The following CCDC178 variants were observed in gnomAD, a reference collection of about 807,000 sequenced individuals.
CCDC178 encodes coiled-coil domain-containing protein 178.
A neutral mutation model predicts 117.4 loss-of-function variants in CCDC178; 126 were observed. The ratio of observed to expected loss-of-function variants is 1.07; its 90% CI spans 0.93 to 1.24. CCDC178 has a LOEUF of 1.24. CCDC178 is among the 50% of genes most tolerant of loss of function. The pLI is 0.00. For missense variants in CCDC178, 1,030 were observed against 986.9 expected (o/e 1.04, Z -0.59); for synonymous variants, 283 against 313.4 (o/e 0.90, Z 1.02).
intron 14 of CCDC178, among the ~76,000 whole-genome samples, chr18:33,264,469 C>T (rs891680921): frequency 5.3e-5 from 8 of 151,998 alleles, no homozygotes; most frequent in Non-Finnish European, 1.0e-4. Flanking sequence ...ATTCTCTGTT[C>T]AGCACCATGT....
At chr18:32,978,812 G>A (rs1222005444) in intron 21 of CCDC178, among the ~76,000 whole-genome samples, 1 of 152,124 alleles carries the variant, frequency 6.6e-6, no homozygotes, top group African/African-American at 2.4e-5. Flanking sequence ...CCAGGCGGGT[G>A]GATCACCTGA....
At position 33,113,835 on chromosome 18, in the gene CCDC178, A is replaced by C. The variant is rs2057816174; in HGVS notation, c.2239-20925T>G. ...GGTTTATATATATAACCTAAAATCC[A>C]GGGGCTTGTTAAAAGAATGCTTCAC... On this transcript the variant is annotated intron_variant, in intron 20 of 22. Coordinates refer to ENST00000383096, the MANE Select transcript of CCDC178 (RefSeq NM_001105528.4). Among the ~76,000 whole-genome samples the C allele has an allele frequency of 2.0e-5, 3 of 152,058 alleles. No homozygotes were observed. The South Asian group carries it at 6.2e-4, about 31-fold the overall frequency.
intron 6 of CCDC178, among the ~76,000 whole-genome samples, chr18:33,365,363 G>C (rs182589624): frequency 1.2e-3 from 178 of 152,138 alleles, no homozygotes; most frequent in Non-Finnish European, 2.1e-3. Context: ...CATTGTCAAG[G>C]ACACGATGTC....
chr18:33,247,122 G>C (rs980815656), intron 14 of CCDC178, among the ~76,000 whole-genome samples: 4 of 151,194 alleles, frequency 2.6e-5, no homozygotes, highest in African/African-American at 7.3e-5. Context: ...GAGTCAGAGA[G>C]ACAGAGACAG....
intron 21 of CCDC178, among the ~76,000 whole-genome samples, chr18:33,073,784 T>C (rs894938958): frequency 6.6e-6 from 1 of 152,032 alleles, no homozygotes; most frequent in Non-Finnish European, 1.5e-5. Context: ...AAATAAACCA[T>C]GAACAAATAA....
intron 20 of CCDC178, among the ~76,000 whole-genome samples, chr18:33,187,523 T>G (rs2058811441): frequency 6.6e-6 from 1 of 152,072 alleles, no homozygotes; most frequent in Non-Finnish European, 1.5e-5. Context: ...CAGACTCAAG[T>G]TCAGGGAGGA....
chr18:33,233,081 A>G (rs993473367), intron 15 of CCDC178, among the ~76,000 whole-genome samples: 17 of 152,162 alleles, frequency 1.1e-4, no homozygotes, highest in Non-Finnish European at 2.5e-4. Context: ...ATACAAAATA[A>G]ACAATTATTG....
intron 22 of CCDC178, among the ~76,000 whole-genome samples, chr18:32,967,285 T>G (rs1441800016): frequency 6.6e-6 from 1 of 151,588 alleles, no homozygotes; most frequent in Non-Finnish European, 1.5e-5. Flanking sequence ...TGCCAATATT[T>G]CCCATTGTGA....
intron 20 of CCDC178, among the ~76,000 whole-genome samples, chr18:33,112,025 G>A (rs549021352): frequency 1.3e-5 from 2 of 151,764 alleles, no homozygotes; most frequent in East Asian, 3.9e-4. Context: ...AAATGAGAAA[G>A]TTTCAAATCA....
chr18:33,078,793 T>C (rs2057251755), intron 21 of CCDC178, among the ~76,000 whole-genome samples: 2 of 151,988 alleles, frequency 1.3e-5, no homozygotes, highest in African/African-American at 4.8e-5. Context: ...CAAAAGCAAA[T>C]TGGAAAACAT....
intron 20 of CCDC178, among the ~76,000 whole-genome samples, chr18:33,125,358 T>C (rs1336447671): frequency 6.6e-6 from 1 of 152,160 alleles, no homozygotes; most frequent in Non-Finnish European, 1.5e-5. Context: ...ATTTATTTGA[T>C]AAATATTAGA....
intron 21 of CCDC178, among the ~76,000 whole-genome samples, chr18:33,084,381 T>C (rs555145516): frequency 1.3e-4 from 20 of 152,180 alleles, no homozygotes; most frequent in Non-Finnish European, 2.4e-4. Flanking sequence ...ATCTGTAAAA[T>C]TTTACAGGTT....
intron 2 of CCDC178, among the ~76,000 whole-genome samples, chr18:33,422,778 G>A (rs1028978599): frequency 1.3e-5 from 2 of 152,124 alleles, no homozygotes; most frequent in African/African-American, 4.8e-5. Flanking sequence ...AAAAACACAC[G>A]AATGAATGAA....
chr18:33,240,772 C>T (rs1038967649), intron 15 of CCDC178, among the ~76,000 whole-genome samples: 1 of 151,776 alleles, frequency 6.6e-6, no homozygotes, highest in Admixed American at 6.6e-5. Context: ...TTCTACTAAC[C>T]TTTAAGGCAG....
At chr18:33,261,942 GT>G in intron 14 of CCDC178, among the ~76,000 whole-genome samples, 1 of 151,946 alleles carries the variant, frequency 6.6e-6, no homozygotes, top group South Asian at 2.1e-4. Context: ...TGTCTTCTTA[GT>G]TGCATTTTGG....
chr18:33,344,106 C>T (rs1478894647), intron 9 of CCDC178, among the ~76,000 whole-genome samples: 1 of 150,828 alleles, frequency 6.6e-6, no homozygotes. Flanking sequence ...AGATCGAGAC[C>T]ATCCTGGCTA....
chr18:33,209,261 A>G, intron 20 of CCDC178, among the ~76,000 whole-genome samples: 1 of 152,042 alleles, frequency 6.6e-6, no homozygotes, highest in South Asian at 2.1e-4. Flanking sequence ...CCTACTGAAG[A>G]GAGATCAAAT....
At position 32,952,205 on chromosome 18, in the gene CCDC178, C is replaced by T. The variant is rs867910890; in HGVS notation, c.2524-14114G>A. Among the ~76,000 whole-genome samples, 9 of 152,312 alleles carry T rather than the reference C, an allele frequency of 5.9e-5. No homozygotes were observed. The South Asian group carries it at 1.9e-3, about 32-fold the overall frequency. On this transcript the variant is annotated intron_variant, in intron 22 of 22. Transcript: ENST00000383096. ...TCTCACAGCTCCACTAGGCAGTGCC[C>T]CAGTGGGGACTCTGAGTGTGCTGCA... is the stretch of plus-strand genomic sequence containing the variant.
chr18:33,134,591 C>A (rs1016498392), intron 20 of CCDC178, among the ~76,000 whole-genome samples: 1 of 151,948 alleles, frequency 6.6e-6, no homozygotes, highest in South Asian at 2.1e-4. Context: ...AAGAAAATGG[C>A]CACTGCTTTC....
Sources: gnomAD v4.1 joint callset for allele counts (sites outside exome capture counted in the v4.1 genomes callset) on GRCh38, gnomAD v4.1.1 for gene constraint, MANE v1.5 for transcripts, NCBI Gene and HGNC (gene_info 2026-07-23, HGNC 2026-07-21) for gene names.